The following KAZN variants were observed in gnomAD, a reference collection of about 807,000 sequenced individuals.
KAZN encodes kazrin.
Under a neutral mutation model 87.4 loss-of-function variants are expected in KAZN, and 40 were observed. The ratio of observed to expected loss-of-function variants is 0.46; its 90% CI spans 0.36 to 0.60. The LOEUF is 0.60. KAZN is among the 20% of genes least tolerant of loss of function. The probability of loss-of-function intolerance (pLI) is 0.00; values close to 1 mark genes in which losing one functional copy is unlikely to be tolerated. For missense variants in KAZN, 898 were observed against 1,073.9 expected, an observed-to-expected ratio of 0.84 and a Z score of 2.29; for synonymous variants, 466 against 458.3, an observed-to-expected ratio of 1.02 and a Z score of -0.22.
At chr1:14,016,841 T>A (rs76374330) in intron 1 of KAZN, among the ~76,000 whole-genome samples, 1 of 152,198 alleles carries the variant, frequency 6.6e-6, no homozygotes, top group Non-Finnish European at 1.5e-5. Context: ...TTTGCCTTTG[T>A]GCTGCTCTTA....
intron 1 of KAZN, among the ~76,000 whole-genome samples, chr1:14,049,124 A>G (rs2101449727): frequency 6.6e-6 from 1 of 152,324 alleles, no homozygotes; most frequent in African/African-American, 2.4e-5. Context: ...AACATGGAAT[A>G]CTATGCAGCC....
chr1:14,457,475 G>T (rs1667626293), intron 2 of KAZN, among the ~76,000 whole-genome samples: 1 of 152,104 alleles, frequency 6.6e-6, no homozygotes, highest in Non-Finnish European at 1.5e-5. Flanking sequence ...TCTGTCATCT[G>T]CTAACTTTAT....
rs563947921 is a variant in KAZN at position 15,043,993 on chromosome 1, G to A, written c.560G>A (p.Ser187Asn). The change falls in exon 4 of 15, where the codon AGC becomes AAC. Residue 187 changes from serine to asparagine, a missense_variant. By Grantham distance (46) the Ser-to-Asn change is conservative (BLOSUM62 1). Transcript: ENST00000376030. ...IRNYEQHRKESEDAVKALAKE... is the reference protein window; with the variant it reads ...IRNYEQHRKENEDAVKALAKE... Reference sequence around the variant, plus strand: ...CTCTCCCTCTCCCACCCACAGGAGAGCGAGGATGCGGTCAAAGCGCTGGCC... The same window carrying A: ...CTCTCCCTCTCCCACCCACAGGAGAACGAGGATGCGGTCAAAGCGCTGGCC... 6.8e-6 allele frequency: 11 copies of A among 1,609,074 alleles called. No individual in the cohort carries two copies. In the East Asian group the frequency reaches 2.2e-4, roughly 33 times the overall value.
chr1:14,712,375 C>A (rs796187361), intron 1 of KAZN, among the ~76,000 whole-genome samples: 2 of 152,232 alleles, frequency 1.3e-5, no homozygotes, highest in African/African-American at 4.8e-5. Context: ...TTCCAACAGT[C>A]CTTGTCTGTG....
intron 2 of KAZN, among the ~76,000 whole-genome samples, chr1:15,032,203 T>C (rs893799290): frequency 7.6e-5 from 11 of 144,480 alleles, no homozygotes; most frequent in African/African-American, 2.8e-4. Flanking sequence ...TCTTTTTTTT[T>C]TTTTTTTGAG....
intron 1 of KAZN, among the ~76,000 whole-genome samples, chr1:14,697,539 A>G (rs1557897424): frequency 6.6e-6 from 1 of 152,164 alleles, no homozygotes; most frequent in African/African-American, 2.4e-5. Context: ...TCATTGATTT[A>G]CATTCTCCTC....
At chr1:14,943,075 T>TG (rs1381831543) in intron 1 of KAZN, among the ~76,000 whole-genome samples, 1 of 149,258 alleles carries the variant, frequency 6.7e-6, no homozygotes, top group Non-Finnish European at 1.5e-5. Context: ...CTTGGGTTTT[T>TG]TTTTTTTTTT....
intron 2 of KAZN, among the ~76,000 whole-genome samples, chr1:14,311,752 G>A (rs1272956730): frequency 6.6e-6 from 1 of 152,022 alleles, no homozygotes; most frequent in Non-Finnish European, 1.5e-5. Flanking sequence ...AAGGATGAAT[G>A]GATAAATGGA....
At chr1:13,987,206 G>C (rs1639062016) in intron 1 of KAZN, among the ~76,000 whole-genome samples, 1 of 152,026 alleles carries the variant, frequency 6.6e-6, no homozygotes, top group African/African-American at 2.4e-5. Flanking sequence ...AGAACGTGCA[G>C]GTTTGTTACA....
rs190923090 is a variant in KAZN at position 13,971,707 on chromosome 1, C to T, written c.91+77951C>T. ...AAATCTCATGTCAAATTGTAATGCCCAGTGCTGGAAGTGGGGCCTGATGGA... is the reference window on the plus strand; with the variant it reads ...AAATCTCATGTCAAATTGTAATGCCTAGTGCTGGAAGTGGGGCCTGATGGA... On this transcript the variant is annotated intron_variant, in intron 1 of 16. Transcript: ENST00000636203. 1.1e-3 allele frequency among the ~76,000 whole-genome samples: 165 copies of T among 152,186 alleles called. 1 individual carries two copies. In the Middle Eastern group the frequency reaches 0.02, roughly 19 times the overall value.
At chr1:13,965,295 A>T (rs79416561) in intron 1 of KAZN, among the ~76,000 whole-genome samples, 5 of 152,164 alleles carry the variant, frequency 3.3e-5, no homozygotes, top group Non-Finnish European at 5.9e-5. Context: ...TGGGGAGGAG[A>T]TGGTGACTCA....
intron 2 of KAZN, among the ~76,000 whole-genome samples, chr1:14,476,583 A>G (rs1020472741): frequency 2.6e-5 from 4 of 152,360 alleles, no homozygotes; most frequent in East Asian, 3.9e-4. Context: ...TCTTGATATA[A>G]TAACAATTAC....
intron 2 of KAZN, among the ~76,000 whole-genome samples, chr1:14,405,544 G>A (rs1047838216): frequency 4.0e-5 from 6 of 151,622 alleles, no homozygotes; most frequent in Non-Finnish European, 7.4e-5. Flanking sequence ...CTAGCTGTGT[G>A]TCATTTGGGC....
At chr1:15,053,945 C>A (rs1674677917) in intron 4 of KAZN, among the ~76,000 whole-genome samples, 1 of 152,192 alleles carries the variant, frequency 6.6e-6, no homozygotes. Context: ...GATGTCCGAG[C>A]TGGAAGGAGC....
chr1:14,236,510 C>T (rs1400164701), intron 2 of KAZN, among the ~76,000 whole-genome samples: 2 of 152,206 alleles, frequency 1.3e-5, no homozygotes, highest in African/African-American at 4.8e-5. Flanking sequence ...CAGGCTACTT[C>T]ATGCACTGAC....
chr1:15,074,013 G>A (rs74059810), intron 8 of KAZN, among the ~76,000 whole-genome samples: 4,127 of 152,268 alleles, frequency 0.027, 183 homozygotes, highest in African/African-American at 0.095. Flanking sequence ...CCAGCCCAGC[G>A]CCTTCAGGGC....
At chr1:14,219,895 T>C (rs926670829) in intron 2 of KAZN, among the ~76,000 whole-genome samples, 1 of 152,202 alleles carries the variant, frequency 6.6e-6, no homozygotes, top group African/African-American at 2.4e-5. Flanking sequence ...TTTGCATCAC[T>C]CAACATGACT....
chr1:14,401,103 G>C (rs1341071977), intron 2 of KAZN, among the ~76,000 whole-genome samples: 1 of 152,142 alleles, frequency 6.6e-6, no homozygotes, highest in Non-Finnish European at 1.5e-5. Context: ...TTTCAAAGGG[G>C]ATAAGAAGGG....
intron 1 of KAZN, among the ~76,000 whole-genome samples, chr1:14,833,485 G>A (rs897029187): frequency 1.3e-5 from 2 of 152,162 alleles, no homozygotes; most frequent in African/African-American, 4.8e-5. Flanking sequence ...TCACCACAAG[G>A]GTTCAATCCT....
Sources: gnomAD v4.1 joint callset for allele counts (sites outside exome capture counted in the v4.1 genomes callset) on GRCh38, gnomAD v4.1.1 for gene constraint, MANE v1.5 for transcripts, NCBI Gene and HGNC (gene_info 2026-07-23, HGNC 2026-07-21) for gene names.